The following TTC39C variants were observed in gnomAD, a reference collection of about 807,000 sequenced individuals.
TTC39C encodes tetratricopeptide repeat protein 39C.
A neutral mutation model predicts 76.3 loss-of-function variants in TTC39C; 33 were observed. The ratio of observed to expected loss-of-function variants is 0.43; its 90% CI spans 0.33 to 0.58. The LOEUF (loss-of-function observed/expected upper bound fraction) is 0.58. Among genes scored for constraint, TTC39C ranks in the 20% least tolerant of loss-of-function variants. TTC39C has a pLI of 0.04. For missense variants in TTC39C, 595 were observed against 701.4 expected (o/e 0.85, Z 1.71); for synonymous variants, 254 against 260.6 (o/e 0.97, Z 0.24).
chr18:24,110,844 C>G (rs2084799727), intron 6 of TTC39C, among the ~76,000 whole-genome samples: 1 of 152,212 alleles, frequency 6.6e-6, no homozygotes, highest in Non-Finnish European at 1.5e-5. Context: ...AATATTGTTT[C>G]TCATTTTACT....
At chr18:24,061,612 A>AAAAAAAG (rs1568423216) in intron 1 of TTC39C, among the ~76,000 whole-genome samples, 1 of 150,588 alleles carries the variant, frequency 6.6e-6, no homozygotes, top group African/African-American at 2.5e-5. Context: ...AAAAAAAAAA[A>AAAAAAAG]AAAAGCGTGG....
chr18:24,038,616 T>A (rs189645055), intron 1 of TTC39C, among the ~76,000 whole-genome samples: 21 of 152,128 alleles, frequency 1.4e-4, no homozygotes, highest in African/African-American at 4.6e-4. Flanking sequence ...AATCACATCA[T>A]GAGAACAGTA....
At chr18:24,005,857 A>C (rs972612263) in intron 1 of TTC39C, among the ~76,000 whole-genome samples, 6 of 151,566 alleles carry the variant, frequency 4.0e-5, no homozygotes, top group Admixed American at 1.3e-4. Context: ...AAAAAAAAAA[A>C]CAAAAAACCC....
chr18:24,122,258 C>G (rs967205597), intron 8 of TTC39C, among the ~76,000 whole-genome samples: 2 of 152,050 alleles, frequency 1.3e-5, no homozygotes, highest in Non-Finnish European at 2.9e-5. Context: ...GTGGCTCACA[C>G]CTGTAATCCC....
rs186680235 is a variant in TTC39C at position 24,026,173 on chromosome 18, C to T, written c.167+11135C>T. On this transcript the variant is annotated intron_variant, in intron 1 of 13. Transcript: ENST00000317571. ...GATCTAGCTTAAAGGAACTGTGTCT[C>T]TCCAGCCACCAGGTGACTTTATTTT... Among the ~76,000 whole-genome samples the T allele has an allele frequency of 2.5e-3, 385 of 152,360 alleles. 2 individuals are homozygous for T. Among genetic ancestry groups the T allele is most frequent in the African/African-American group, 9.0e-3 (375 of 41,580 alleles).
In TTC39C at chr18:24,116,101, CTTATTCCTGAG is replaced by C. The variant is rs1244638488; in HGVS notation, c.1078+1465_1078+1475del. Among the ~76,000 whole-genome samples the C allele has an allele frequency of 1.1e-4, 17 of 152,222 alleles. No individual in the cohort carries two copies. The South Asian group carries it at 1.2e-3, about 11-fold the overall frequency. ...GTACTTTTTCCTGAGTTATTCCTGACTTATTCCTGAGTTATTCCTGACTTATTTCTGAGTTA... is the reference window on the plus strand; with the variant it reads ...GTACTTTTTCCTGAGTTATTCCTGACTTATTCCTGACTTATTTCTGAGTTA... On this transcript the variant is annotated intron_variant, in intron 7 of 13. Coordinates refer to ENST00000317571, the MANE Select transcript of TTC39C (RefSeq NM_001135993.2).
rs1166408537 is a variant in TTC39C, at chr18:24,083,020, A to C, written c.923A>C (p.Glu308Ala). 6.2e-7 allele frequency: 1 copy of C among 1,614,158 alleles called. No homozygotes were observed. Among genetic ancestry groups the C allele is most frequent in the East Asian group, 2.2e-5 (1 of 44,888 alleles). Reference protein sequence around the residue: ...DEAKEILLKKEAAYPNSSLFM... With the variant: ...DEAKEILLKKAAAYPNSSLFM... The stretch of plus-strand genomic sequence containing the variant: ...GCTAAGGAAATTCTCCTTAAAAAAG[A>C]AGCTGCTTATCCAAATTCTTCCCTC... Residue 308 changes from glutamate to alanine, a missense_variant, in exon 6 of 14, where the codon GAA becomes GCA. Coordinates refer to ENST00000317571, the MANE Select transcript of TTC39C (RefSeq NM_001135993.2).
rs116490895 is a variant in TTC39C, at chr18:24,031,940, A to G, written c.167+16902A>G. ...GATTATCTCGATGGGCCCTAAATGCAATCACATGTATCCTTATAAGAGGAA... is the reference window on the plus strand; with the variant it reads ...GATTATCTCGATGGGCCCTAAATGCGATCACATGTATCCTTATAAGAGGAA... On this transcript the variant is annotated intron_variant, in intron 1 of 13. Transcript: ENST00000317571. Among the ~76,000 whole-genome samples, 751 of 152,320 alleles carry G rather than the reference A, an allele frequency of 4.9e-3. 6 individuals carry two copies. Among genetic ancestry groups the G allele is most frequent in the African/African-American group, 0.017 (722 of 41,572 alleles).
chr18:24,016,601 A>G, intron 1 of TTC39C: 2 of 398,376 alleles, frequency 5.0e-6, no homozygotes, highest in Non-Finnish European at 8.9e-6. Flanking sequence ...CGAAAATACT[A>G]CCTTTACATT....
At chr18:24,077,444 C>G (rs543279601) in intron 4 of TTC39C, among the ~76,000 whole-genome samples, 2 of 152,334 alleles carry the variant, frequency 1.3e-5, no homozygotes, top group South Asian at 2.1e-4. Context: ...GAACAATTCA[C>G]TCATCATCTC....
chr18:24,093,305 C>CCGT (rs2084548966), intron 6 of TTC39C, among the ~76,000 whole-genome samples: 1 of 151,998 alleles, frequency 6.6e-6, no homozygotes, highest in Non-Finnish European at 1.5e-5. Context: ...TGGTGAAACC[C>CCGT]CGTCTCTACT....
At chr18:24,104,835 A>G (rs1051695017) in intron 6 of TTC39C, among the ~76,000 whole-genome samples, 8 of 152,034 alleles carry the variant, frequency 5.3e-5, no homozygotes, top group Non-Finnish European at 1.2e-4. Context: ...GGGAGCAGCC[A>G]TATTTATGGC....
intron 6 of TTC39C, among the ~76,000 whole-genome samples, chr18:24,104,367 T>G (rs2084717899): frequency 6.6e-6 from 1 of 152,196 alleles, no homozygotes; most frequent in Non-Finnish European, 1.5e-5. Flanking sequence ...CTTCCTTAAA[T>G]GCACAGGGCA....
At chr18:24,019,128 G>A (rs2083490269) in intron 1 of TTC39C, among the ~76,000 whole-genome samples, 1 of 152,122 alleles carries the variant, frequency 6.6e-6, no homozygotes, top group South Asian at 2.1e-4. Context: ...GCACATGGAG[G>A]CCTGAGGAGC....
At chr18:24,088,242 G>A (rs1484720760) in intron 6 of TTC39C, among the ~76,000 whole-genome samples, 2 of 152,136 alleles carry the variant, frequency 1.3e-5, no homozygotes, top group Non-Finnish European at 2.9e-5. Flanking sequence ...GGATTATAAA[G>A]AACTGAATTA....
intron 1 of TTC39C, among the ~76,000 whole-genome samples, chr18:24,028,699 G>A (rs899055434): frequency 2.0e-5 from 3 of 152,082 alleles, no homozygotes; most frequent in African/African-American, 7.2e-5. Context: ...AAATAGAGAA[G>A]TCTGTAATAT....
upstream of TTC39C, among the ~76,000 whole-genome samples, chr18:24,011,005 G>A (rs772760123): frequency 2.0e-5 from 3 of 152,110 alleles, no homozygotes; most frequent in South Asian, 2.1e-4. Flanking sequence ...CCATGATCTC[G>A]CCCCTGCATT....
intron 1 of TTC39C, among the ~76,000 whole-genome samples, chr18:24,053,863 CTTA>C (rs1320999498): frequency 6.6e-6 from 1 of 152,128 alleles, no homozygotes; most frequent in Non-Finnish European, 1.5e-5. Context: ...TATCAGACTC[CTTA>C]TTATAAAACC....
Position 24,123,826 on chromosome 18 carries a change from T to C in TTC39C, c.1187-8T>C. 2 of 1,598,936 alleles carry C rather than the reference T, an allele frequency of 1.3e-6. No individual in the cohort carries two copies. The highest frequency in any genetic ancestry group is 1.7e-6 in the Non-Finnish European group (2 of 1,171,414). The stretch of plus-strand genomic sequence containing the variant: ...GTACTTAAGAAATATAATTATGGTT[T>C]CTTACAGTTTGTCAGGGAGCCACTG... On this transcript the variant is annotated splice_region_variant and splice_polypyrimidine_tract_variant and intron_variant, in intron 8 of 13. Transcript: ENST00000317571.
Sources: gnomAD v4.1 joint callset for allele counts (sites outside exome capture counted in the v4.1 genomes callset) on GRCh38, gnomAD v4.1.1 for gene constraint, MANE v1.5 for transcripts, NCBI Gene and HGNC (gene_info 2026-07-23, HGNC 2026-07-21) for gene names.